The following PLXNA4 variants were observed in gnomAD, a reference collection of about 807,000 sequenced individuals.
The protein encoded by PLXNA4 is plexin-A4.
In PLXNA4, 44 loss-of-function variants were observed where a neutral mutation model predicts 191.8. That is an observed-to-expected ratio of 0.23 (90% CI 0.18 to 0.29). PLXNA4 has a LOEUF of 0.29. Ranked by LOEUF, PLXNA4 falls within the 10% of genes least tolerant of loss-of-function variation. PLXNA4 has a pLI of 1.00. For missense variants in PLXNA4, 1,800 were observed against 2,488.8 expected (o/e 0.72, Z 5.89); for synonymous variants, 1,082 against 1,009.5 (o/e 1.07, Z -1.36).
At chr7:132,180,036 C>G in intron 19 of PLXNA4, 115 bp from the exon 20 acceptor site, 3 of 1,441,728 alleles carry the variant, frequency 2.1e-6, no homozygotes, top group Non-Finnish European at 2.7e-6. Flanking sequence ...GGAGACCAAT[C>G]ACTGGTGTCA....
In PLXNA4 at chr7:132,189,014, GAGAGAGAGAGAGAGAA is replaced by G. The variant is rs1174515578; in HGVS notation, c.2857-1423_2857-1408del. Among the ~76,000 whole-genome samples, 397 of 82,682 alleles carry G rather than the reference GAGAGAGAGAGAGAGAA, an allele frequency of 4.8e-3. 13 individuals carry two copies. The highest frequency in any genetic ancestry group is 0.013 in the African/African-American group (299 of 22,348). The allele number at this position is 82,682 out of a possible 152,430, so 54.2% of individuals were successfully genotyped here. Reference sequence around the variant, plus strand: ...GAAAGGAGAGAGAGAGAGAGAGAGAGAGAGAGAGAGAGAGAAAGAGAGAGAGAGAGAGAGAGAGAGA... The same window carrying G: ...GAAAGGAGAGAGAGAGAGAGAGAGAGAGAGAGAGAGAGAGAGAGAGAGAGA... On this transcript the variant is annotated intron_variant, in intron 14 of 31. Transcript: ENST00000321063.
At chr7:132,159,659 A>G (rs1795890536) in intron 24 of PLXNA4, 27 bp from the exon 25 acceptor site, 3 of 1,612,676 alleles carry the variant, frequency 1.9e-6, no homozygotes, top group Non-Finnish European at 2.5e-6. Flanking sequence ...GAGAGGAAGC[A>G]TATGAAATGG....
At chr7:132,571,353 C>G (rs1456413295) in intron 1 of PLXNA4, among the ~76,000 whole-genome samples, 1 of 152,210 alleles carries the variant, frequency 6.6e-6, no homozygotes, top group African/African-American at 2.4e-5. Flanking sequence ...CCTCTAAGTG[C>G]TACAGGATGG....
intron 1 of PLXNA4, among the ~76,000 whole-genome samples, chr7:132,530,328 T>C (rs1272359927): frequency 6.6e-6 from 1 of 152,130 alleles, no homozygotes; most frequent in Non-Finnish European, 1.5e-5. Context: ...GTAACAAACA[T>C]AAAGAGACAA....
At chr7:132,561,439 T>A (rs1801054857) in intron 1 of PLXNA4, among the ~76,000 whole-genome samples, 1 of 129,664 alleles carries the variant, frequency 7.7e-6, no homozygotes. Context: ...TTCCTCCCCC[T>A]CCTTCTTGTC....
At chr7:132,470,144 T>A (rs770678684) in intron 3 of PLXNA4, among the ~76,000 whole-genome samples, 1 of 152,196 alleles carries the variant, frequency 6.6e-6, no homozygotes, top group Admixed American at 6.5e-5. Context: ...CTGTATATAA[T>A]GAAACCTCAA....
intron 3 of PLXNA4, among the ~76,000 whole-genome samples, chr7:132,310,654 C>T (rs1237734366): frequency 6.6e-6 from 1 of 152,198 alleles, no homozygotes; most frequent in Non-Finnish European, 1.5e-5. Flanking sequence ...GGGTCTGTTG[C>T]TCAGCCCCCA....
rs544282714 is a variant in PLXNA4, at chr7:132,490,295, T to C, written c.1189-821A>G. ...TCTGCAGGCAAATTTCTAGGAAGCC[T>C]TTTAACACCATCTAAGAGATTCATA... On this transcript the variant is annotated intron_variant, in intron 2 of 31. Transcript: ENST00000321063. Among the ~76,000 whole-genome samples the C allele has an allele frequency of 5.9e-5, 9 of 152,336 alleles. No individual in the cohort carries two copies. The East Asian group carries it at 1.5e-3, about 26-fold the overall frequency.
chr7:132,198,337 TCCAC>T, intron 13 of PLXNA4, 144 bp downstream of exon 13: 1 of 1,116,146 alleles, frequency 9.0e-7, no homozygotes, highest in Non-Finnish European at 1.2e-6. Flanking sequence ...GTTGTGGGAG[TCCAC>T]CCTCCAACTC....
At chr7:132,154,768 A>G (rs1294979905) in intron 25 of PLXNA4, among the ~76,000 whole-genome samples, 2 of 152,210 alleles carry the variant, frequency 1.3e-5, no homozygotes, top group African/African-American at 4.8e-5. Flanking sequence ...ACTCATATGC[A>G]TGGCACCAAG....
At chr7:132,514,807 C>T (rs1381764270) in intron 1 of PLXNA4, among the ~76,000 whole-genome samples, 1 of 151,160 alleles carries the variant, frequency 6.6e-6, no homozygotes, top group Non-Finnish European at 1.5e-5. Context: ...TCTATGCACA[C>T]ACACACACAC....
chr7:132,555,127 C>T (rs1327790692), intron 1 of PLXNA4, among the ~76,000 whole-genome samples: 1 of 151,214 alleles, frequency 6.6e-6, no homozygotes, highest in Non-Finnish European at 1.5e-5. Context: ...CACTCCAGGT[C>T]CTATAAAAAT....
intron 2 of PLXNA4, among the ~76,000 whole-genome samples, chr7:132,615,927 A>ATTCTCTCTCTCTCTC (rs1803145002): frequency 1.2e-5 from 1 of 83,674 alleles, no homozygotes; most frequent in Non-Finnish European, 2.6e-5. Flanking sequence ...CAGATAAAGG[A>ATTCTCTCTCTCTCTC]TCTCTCTCTC....
intron 25 of PLXNA4, among the ~76,000 whole-genome samples, chr7:132,149,267 C>G (rs2116580630): frequency 6.6e-6 from 1 of 152,306 alleles, no homozygotes; most frequent in Non-Finnish European, 1.5e-5. Context: ...TGTAATCTAT[C>G]CAACACCTAA....
intron 1 of PLXNA4, among the ~76,000 whole-genome samples, chr7:132,536,756 T>C (rs1303738864): frequency 1.3e-5 from 2 of 152,214 alleles, no homozygotes; most frequent in Non-Finnish European, 2.9e-5. Context: ...TGGCAGCAAC[T>C]CATACACCAC....
At chr7:132,582,233 C>A (rs1802415790), upstream of PLXNA4, among the ~76,000 whole-genome samples, 1 of 152,210 alleles carries the variant, frequency 6.6e-6, no homozygotes, top group South Asian at 2.1e-4. Flanking sequence ...GCCCCTCTGA[C>A]TGGGGTGCAC....
intron 1 of PLXNA4, among the ~76,000 whole-genome samples, chr7:132,555,056 A>ACAAAAAAAAAAAC (rs1554467878): frequency 0.027 from 4,132 of 150,338 alleles, 241 homozygotes; most frequent in African/African-American, 0.097. Flanking sequence ...AAAAAAAAAA[A>ACAAAAAAAAAAAC]CAAAAAAAAA....
At chr7:132,401,173 T>C (rs1169998260) in intron 3 of PLXNA4, among the ~76,000 whole-genome samples, 3 of 152,240 alleles carry the variant, frequency 2.0e-5, no homozygotes, top group African/African-American at 7.2e-5. Context: ...TGGTGGGTTG[T>C]ACCAGTCAAT....
At chr7:132,225,568 A>G (rs997416304) in intron 8 of PLXNA4, among the ~76,000 whole-genome samples, 1 of 151,990 alleles carries the variant, frequency 6.6e-6, no homozygotes, top group African/African-American at 2.4e-5. Context: ...CTTAAGTCAA[A>G]CAAAGCTCGA....
Sources: gnomAD v4.1 joint callset for allele counts (sites outside exome capture counted in the v4.1 genomes callset) on GRCh38, gnomAD v4.1.1 for gene constraint, MANE v1.5 for transcripts, NCBI Gene and HGNC (gene_info 2026-07-23, HGNC 2026-07-21) for gene names.